The following STK32B variants were observed in gnomAD, a reference collection of about 807,000 sequenced individuals.
STK32B encodes the protein serine/threonine-protein kinase 32B.
A neutral mutation model predicts 52.6 loss-of-function variants in STK32B; 43 were observed. That is an observed-to-expected ratio of 0.82 (90% CI 0.64 to 1.05). STK32B has a LOEUF of 1.05. STK32B is among the 50% of genes least tolerant of loss of function. The probability of loss-of-function intolerance (pLI) is 0.00; values close to 1 mark genes in which losing one functional copy is unlikely to be tolerated. For missense variants in STK32B, 621 were observed against 534.6 expected, an observed-to-expected ratio of 1.16 and a Z score of -1.59; for synonymous variants, 238 against 204.3, an observed-to-expected ratio of 1.17 and a Z score of -1.41.
chr4:5,105,463 A>G (rs1035115745), intron 1 of STK32B, among the ~76,000 whole-genome samples: 11 of 152,090 alleles, frequency 7.2e-5, no homozygotes, highest in African/African-American at 2.7e-4. Flanking sequence ...GATGAACAGG[A>G]GTCCTCTCTA....
At chr4:5,217,333 G>A (rs933951085) in intron 3 of STK32B, among the ~76,000 whole-genome samples, 8 of 152,180 alleles carry the variant, frequency 5.3e-5, no homozygotes, top group Admixed American at 5.2e-4. Context: ...TTGCCAGGAG[G>A]TCATTCTGCA....
chr4:5,294,848 G>A (rs894681456), intron 3 of STK32B, among the ~76,000 whole-genome samples: 4 of 152,104 alleles, frequency 2.6e-5, no homozygotes, highest in Admixed American at 1.3e-4. Flanking sequence ...CTTGTCTTGT[G>A]TCAGTTTTCA....
chr4:5,045,787 C>T, the STK32B span, among the ~76,000 whole-genome samples: 9 of 152,126 alleles, frequency 5.9e-5, no homozygotes, highest in Non-Finnish European at 1.3e-4. Flanking sequence ...AGTTGCTTAT[C>T]AGCTTAAGGA....
chr4:5,276,953 T>C (rs1341518774), intron 3 of STK32B, among the ~76,000 whole-genome samples: 2 of 152,190 alleles, frequency 1.3e-5, no homozygotes, highest in African/African-American at 4.8e-5. Flanking sequence ...TATAAATACG[T>C]GTTTAATGCC....
chr4:5,370,996 G>GTGTGTGTGTGTGTA lies in STK32B; in HGVS notation c.435-27210_435-27209insGTGTGTGTGTGTAT, dbSNP rs570241863. The stretch of plus-strand genomic sequence containing the variant: ...TAAATATATATATATGTGTGTGTGT[G>GTGTGTGTGTGTGTA]TATATATATATATATGTATATATAT... On this transcript the variant is annotated intron_variant, in intron 4 of 11. Coordinates refer to ENST00000282908, the MANE Select transcript of STK32B (RefSeq NM_018401.3). Among the ~76,000 whole-genome samples the GTGTGTGTGTGTGTA allele has an allele frequency of 8.3e-4, 117 of 141,122 alleles. 1 individual carries two copies. The South Asian group carries it at 0.011, about 13-fold the overall frequency. The allele number at this position is 141,122 out of a possible 152,430, so 92.6% of individuals were successfully genotyped here.
intron 4 of STK32B, among the ~76,000 whole-genome samples, chr4:5,356,914 C>G (rs1179926650): frequency 1.3e-5 from 2 of 152,142 alleles, no homozygotes; most frequent in African/African-American, 4.8e-5. Context: ...AGGGGAATCA[C>G]TTGAACCCAG....
At chr4:5,310,820 A>C (rs1313986427) in intron 3 of STK32B, among the ~76,000 whole-genome samples, 1 of 152,234 alleles carries the variant, frequency 6.6e-6, no homozygotes, top group Non-Finnish European at 1.5e-5. Context: ...ATGGATACAG[A>C]AAATGTGGTA....
chr4:5,464,527 A>G (rs1409501775), intron 9 of STK32B, among the ~76,000 whole-genome samples: 3 of 152,170 alleles, frequency 2.0e-5, no homozygotes, highest in African/African-American at 4.8e-5. Flanking sequence ...CCTGAGCCAG[A>G]CCCCAGAACA....
At chr4:5,489,816 G>C (rs1425918224) in intron 11 of STK32B, among the ~76,000 whole-genome samples, 1 of 151,994 alleles carries the variant, frequency 6.6e-6, no homozygotes, top group Non-Finnish European at 1.5e-5. Context: ...TTTTATATGA[G>C]TGCTCATTTA....
intron 3 of STK32B, among the ~76,000 whole-genome samples, chr4:5,284,645 C>T (rs886746901): frequency 6.6e-6 from 1 of 151,324 alleles, no homozygotes; most frequent in African/African-American, 2.4e-5. Context: ...GCATAAAACT[C>T]ACTGTAACAC....
chr4:5,487,314 C>T (rs977210547), intron 11 of STK32B, among the ~76,000 whole-genome samples: 6 of 152,280 alleles, frequency 3.9e-5, no homozygotes, highest in African/African-American at 1.2e-4. Flanking sequence ...GAGCAGTCAT[C>T]TGGAAGTGTT....
intron 3 of STK32B, among the ~76,000 whole-genome samples, chr4:5,305,905 C>T (rs886472816): frequency 6.6e-6 from 1 of 152,054 alleles, no homozygotes; most frequent in African/African-American, 2.4e-5. Flanking sequence ...GGTTGTATCA[C>T]TATTATTGTT....
chr4:5,340,968 C>G (rs1028795339), intron 4 of STK32B, among the ~76,000 whole-genome samples: 6 of 152,134 alleles, frequency 3.9e-5, no homozygotes, highest in Non-Finnish European at 7.3e-5. Flanking sequence ...TGATTTGCCC[C>G]AGGACACACA....
intron 4 of STK32B, among the ~76,000 whole-genome samples, chr4:5,367,058 C>T (rs1172945739): frequency 6.6e-6 from 1 of 152,052 alleles, no homozygotes; most frequent in Non-Finnish European, 1.5e-5. Context: ...CTCCACCTCC[C>T]CTTCTCTCCA....
At chr4:5,284,809 T>C (rs1577292855) in intron 3 of STK32B, among the ~76,000 whole-genome samples, 1 of 152,304 alleles carries the variant, frequency 6.6e-6, no homozygotes, top group South Asian at 2.1e-4. Context: ...AAAAGTGATC[T>C]CTCGCAGCTC....
At chr4:5,179,782 C>T (rs1048595471) in intron 3 of STK32B, among the ~76,000 whole-genome samples, 1 of 152,218 alleles carries the variant, frequency 6.6e-6, no homozygotes. Flanking sequence ...GCTTTTATAA[C>T]TAAAACATTT....
chr4:5,332,930 A>G (rs1420487188), intron 4 of STK32B, among the ~76,000 whole-genome samples: 2 of 152,092 alleles, frequency 1.3e-5, no homozygotes, highest in Admixed American at 6.6e-5. Context: ...AGTCTTTGCT[A>G]TTGTGAATAG....
intron 6 of STK32B, among the ~76,000 whole-genome samples, chr4:5,426,692 CAAAAAAA>C (rs746246839): frequency 2.0e-3 from 157 of 78,038 alleles, no homozygotes; most frequent in African/African-American, 5.2e-3. Flanking sequence ...TCCATCTAAA[CAAAAAAA>C]AAAAAAAAAA....
intron 1 of STK32B, among the ~76,000 whole-genome samples, chr4:5,057,024 T>A (rs1577618149): frequency 1.3e-5 from 2 of 152,224 alleles, no homozygotes; most frequent in African/African-American, 4.8e-5. Flanking sequence ...CCTTTTGCAC[T>A]AGACTGCAGC....
Sources: gnomAD v4.1 joint callset for allele counts (sites outside exome capture counted in the v4.1 genomes callset) on GRCh38, gnomAD v4.1.1 for gene constraint, MANE v1.5 for transcripts, NCBI Gene and HGNC (gene_info 2026-07-23, HGNC 2026-07-21) for gene names.